Variants in NDRG4 observed in about 807,000 individuals in gnomAD.
The protein encoded by NDRG4 is NDRG family member 4, also known as protein NDRG4.
A neutral mutation model predicts 55.8 loss-of-function variants in NDRG4; 38 were observed. The observed-to-expected ratio is 0.68, with a 90% CI of 0.53 to 0.89. The LOEUF (loss-of-function observed/expected upper bound fraction) is 0.89, where lower values mean the gene tolerates loss of function less well. Ranked by LOEUF, NDRG4 falls within the 40% of genes least tolerant of loss-of-function variation. The probability of loss-of-function intolerance (pLI) is 0.00; values close to 1 mark genes in which losing one functional copy is unlikely to be tolerated. For synonymous variants in NDRG4, 190 were observed against 182.7 expected (o/e 1.04, Z -0.32); for missense variants, 455 against 468.6 (o/e 0.97, Z 0.27).
intron 10 of NDRG4, 64 bp from the exon 11 acceptor site, chr16:58,508,898 C>G: frequency 6.3e-7 from 1 of 1,586,998 alleles, no homozygotes. Flanking sequence ...GGCATCAAAC[C>G]TGCCTTGGCA....
chr16:58,507,726 A>G (rs2038226780), intron 8 of NDRG4, 82 bp from the exon 9 acceptor site: 9 of 1,361,470 alleles, frequency 6.6e-6, no homozygotes, highest in African/African-American at 1.4e-5. Context: ...TGCTTTACCA[A>G]TTGGCAGTGT....
intron 5 of NDRG4, among the ~76,000 whole-genome samples, chr16:58,505,172 A>ACC (rs1190395087): frequency 8.5e-5 from 13 of 152,050 alleles, no homozygotes; most frequent in African/African-American, 3.1e-4. Context: ...ACACGGTGAA[A>ACC]CCCAGTCTCT....
chr16:58,505,548 G>C (rs545647609), intron 5 of NDRG4, among the ~76,000 whole-genome samples: 4 of 151,758 alleles, frequency 2.6e-5, no homozygotes, highest in African/African-American at 9.7e-5. Flanking sequence ...TTGTTAACTG[G>C]AGGCCATTCC....
intron 1 of NDRG4, among the ~76,000 whole-genome samples, chr16:58,469,776 T>G (rs1055703329): frequency 8.5e-5 from 13 of 152,196 alleles, no homozygotes; most frequent in African/African-American, 2.9e-4. Context: ...GCGCCAGACA[T>G]AGTCTTAACC....
rs929932284 is a variant in NDRG4, at chr16:58,512,490, C to T, written c.*914C>T. The T allele has an allele frequency of 3.3e-5, 8 of 245,886 alleles. No individual in the cohort carries two copies. Among genetic ancestry groups the T allele is most frequent in the Non-Finnish European group, 5.7e-5 (7 of 123,826 alleles). 15.2% of individuals were successfully genotyped at this position (245,886 alleles called of 1,614,324 possible). A position where few individuals can be genotyped will look rare whatever the true frequency, so the allele number is the denominator to read the frequency against. ...TGCCCCCAGGTTCCCCAGAGGGCAA[C>T]GCCATCAGTAGCAGTGTGGTGTTTC... On this transcript the variant is annotated 3_prime_UTR_variant, in exon 15 of 15. Coordinates refer to ENST00000570248, the MANE Select transcript of NDRG4 (RefSeq NM_001242835.2).
intron 1 of NDRG4, among the ~76,000 whole-genome samples, chr16:58,487,518 TAAAAAAA>T (rs906008307): frequency 6.7e-6 from 1 of 148,430 alleles, no homozygotes; most frequent in East Asian, 2.0e-4. Context: ...AGACTCCGTG[TAAAAAAA>T]AAAAAAAGAA....
At chr16:58,510,749 G>A (rs1203145406) in intron 14 of NDRG4, 66 bp downstream of exon 14, 25 of 1,417,216 alleles carry the variant, frequency 1.8e-5, no homozygotes, top group Non-Finnish European at 2.2e-5. Context: ...TCCTTCCTCT[G>A]CGCAGTGTGC....
At chr16:58,495,914 T>G (rs1597232711), upstream of NDRG4, among the ~76,000 whole-genome samples, 2 of 149,440 alleles carry the variant, frequency 1.3e-5, no homozygotes, top group African/African-American at 5.0e-5. Flanking sequence ...GCCCAGGAGG[T>G]GGGATGGGAG....
intron 1 of NDRG4, among the ~76,000 whole-genome samples, chr16:58,470,124 GTCT>G (rs2032492452): frequency 1.3e-5 from 2 of 152,064 alleles, no homozygotes; most frequent in African/African-American, 4.8e-5. Flanking sequence ...CTTCTTTTTG[GTCT>G]TCTGTTTTTC....
rs759424554 is a variant in NDRG4, at chr16:58,509,312, G to T, written c.825G>T (p.Leu275=). 2 of 1,614,040 alleles carry T rather than the reference G, an allele frequency of 1.2e-6. No homozygotes were observed. The highest frequency in any genetic ancestry group is 2.2e-5 in the South Asian group (2 of 91,082). Residue 275 remains leucine (L), a synonymous_variant, in exon 13 of 15, where the codon CTG becomes CTT. Transcript: ENST00000570248. Reference sequence around the variant, plus strand: ...CCTGCCCTCCGCAGCCAGGGAAGCTGACTGAAGCCTTCAAATACTTCCTGC... The same window carrying T: ...CCTGCCCTCCGCAGCCAGGGAAGCTTACTGAAGCCTTCAAATACTTCCTGC... The part of the protein sequence containing the change: ...GLPQVTQPGK[L]TEAFKYFLQG...
At chr16:58,501,834 GACACCCCTC>G (rs1244424938) in intron 1 of NDRG4, 3 of 377,162 alleles carry the variant, frequency 8.0e-6, no homozygotes, top group Middle Eastern at 6.0e-4. Context: ...GCAGAGAGCA[GACACCCCTC>G]ACACCCCTCA....
At chr16:58,482,707 C>CCTT (rs2034585037) in intron 1 of NDRG4, among the ~76,000 whole-genome samples, 1 of 21,552 alleles carries the variant, frequency 4.6e-5, no homozygotes, top group Non-Finnish European at 3.3e-4. Context: ...CTCCCTCCCT[C>CCTT]CTTTCCTTCC....
Position 58,504,647 on chromosome 16 carries a change from G to C in NDRG4, c.370G>C (p.Ala124Pro). The C allele has an allele frequency of 6.2e-7, 1 of 1,614,198 alleles. No individual in the cohort carries two copies. Among genetic ancestry groups the C allele is most frequent in the Non-Finnish European group, 8.5e-7 (1 of 1,180,028 alleles). ...GAGAYVLAKF[A>P]LIFPDLVEGL... Reference sequence around the variant, plus strand: ...CGGAGCCTATGTGCTGGCCAAGTTTGCAGTGAGTCTCCCCATGCCCCCATT... The same window carrying C: ...CGGAGCCTATGTGCTGGCCAAGTTTCCAGTGAGTCTCCCCATGCCCCCATT... The change falls in exon 5 of 15, where the codon GCA (alanine) becomes CCA (proline). Residue 124 changes from alanine to proline, a missense_variant and splice_region_variant. Coordinates refer to ENST00000570248, the MANE Select transcript of NDRG4 (RefSeq NM_001242835.2).
chr16:58,464,544 G>A lies in NDRG4; in HGVS notation c.-24+747G>A. The stretch of plus-strand genomic sequence containing the variant: ...CTCCGGGCGCGGCGGCCGGGGACTG[G>A]GGCGGCTCGGGTCTGAGCAGGAAGG... On this transcript the variant is annotated intron_variant, in intron 1 of 15. Transcript: ENST00000258187. This position sits in a 1 kb window ranked among gnomAD's most constrained non-coding sequence, Gnocchi z 4.8. The A allele has an allele frequency of 8.1e-7, 1 of 1,237,612 alleles. No individual in the cohort carries two copies. The highest frequency in any genetic ancestry group is 1.0e-6 in the Non-Finnish European group (1 of 970,184). The allele number at this position is 1,237,612 out of a possible 1,614,324, so 76.7% of individuals were successfully genotyped here. A position where few individuals can be genotyped will look rare whatever the true frequency, so the allele number is the denominator to read the frequency against.
Position 58,506,550 on chromosome 16 carries a change from C to T in NDRG4, c.460-8C>T. On this transcript the variant is annotated splice_region_variant and splice_polypyrimidine_tract_variant and intron_variant, in intron 6 of 14. Transcript: ENST00000570248. ...GCGGCACTCACGCTGGCGCCCTGCT[C>T]CCTGCAGCTCTCCGGCCTAACTAGC... 3 of 1,598,272 alleles carry T rather than the reference C, an allele frequency of 1.9e-6. No homozygotes were observed. The highest frequency in any genetic ancestry group is 2.6e-6 in the Non-Finnish European group (3 of 1,174,080).
intron 2 of NDRG4, among the ~76,000 whole-genome samples, chr16:58,489,906 G>A (rs886847363): frequency 6.6e-6 from 1 of 151,910 alleles, no homozygotes; most frequent in African/African-American, 2.4e-5. Flanking sequence ...GTGCAGTAGT[G>A]CCATCATAGC....
At chr16:58,508,526 C>T (rs1267093332) in intron 10 of NDRG4, among the ~76,000 whole-genome samples, 1 of 152,154 alleles carries the variant, frequency 6.6e-6, no homozygotes, top group Non-Finnish European at 1.5e-5. Flanking sequence ...AGAGCAGCCC[C>T]GTGCGCCCTG....
chr16:58,507,221 G>T, intron 8 of NDRG4: 1 of 574,182 alleles, frequency 1.7e-6, no homozygotes, highest in Non-Finnish European at 3.1e-6. Flanking sequence ...CGGGCCTTGG[G>T]CTCTTCCACT....
At chr16:58,507,774 CACCTCT>C (rs768709817) in intron 8 of NDRG4, 28 bp from the exon 9 acceptor site, 3 of 1,608,206 alleles carry the variant, frequency 1.9e-6, no homozygotes, top group Non-Finnish European at 2.6e-6. Flanking sequence ...CTGGGGTGCC[CACCTCT>C]GCCTCTGCCC....
Sources: allele counts gnomAD v4.1 joint callset (sites outside exome capture counted in the v4.1 genomes callset), GRCh38; gene constraint gnomAD v4.1.1; non-coding constraint Gnocchi (gnomAD v3.1); transcripts MANE v1.5; gene names NCBI Gene and HGNC (gene_info 2026-07-23, HGNC 2026-07-21).